The following EFHB variants were observed in gnomAD, a reference collection of about 807,000 sequenced individuals.
EFHB encodes the protein EF-hand domain-containing family member B.
EFHB carries 91 observed loss-of-function variants against 87.2 expected under a neutral mutation model. That is an observed-to-expected ratio of 1.04 (90% CI 0.88 to 1.24). EFHB has a LOEUF of 1.24. Ranked by LOEUF, EFHB falls within the 50% of genes most tolerant of loss-of-function variation. The probability of loss-of-function intolerance (pLI) is 0.00; values close to 1 mark genes in which losing one functional copy is unlikely to be tolerated. For missense variants in EFHB, 1,084 were observed against 998.8 expected (o/e 1.09, Z -1.15); for synonymous variants, 325 against 333.6 (o/e 0.97, Z 0.28).
At chr3:19,914,852 G>C (rs1212957909) in intron 5 of EFHB, among the ~76,000 whole-genome samples, 4 of 152,096 alleles carry the variant, frequency 2.6e-5, no homozygotes, top group Non-Finnish European at 4.4e-5. Context: ...CACTTTCGGA[G>C]GCCAAGGTGG....
intron 1 of EFHB, among the ~76,000 whole-genome samples, chr3:19,928,596 C>T (rs999290197): frequency 6.6e-6 from 1 of 152,150 alleles, no homozygotes; most frequent in African/African-American, 2.4e-5. Context: ...AGGTGCCTGC[C>T]ACCACACCCA....
At chr3:19,887,292 C>T (rs987787242) in intron 10 of EFHB, among the ~76,000 whole-genome samples, 4 of 148,238 alleles carry the variant, frequency 2.7e-5, no homozygotes, top group Non-Finnish European at 5.9e-5. Context: ...GGCTGAGGCA[C>T]GAGAATCACT....
chr3:19,923,104 A>G (rs771586298), intron 1 of EFHB, among the ~76,000 whole-genome samples: 11 of 151,996 alleles, frequency 7.2e-5, no homozygotes, highest in Admixed American at 2.0e-4. Flanking sequence ...CGTTGCTACA[A>G]AAAAATATAA....
intron 9 of EFHB, chr3:19,894,678 ATTGAG>A (rs1694413384): frequency 6.6e-6 from 1 of 152,166 alleles, no homozygotes; most frequent in South Asian, 2.1e-4. Flanking sequence ...CATTGTGCAT[ATTGAG>A]TTAACTATTA....
chr3:19,929,298 C>T (rs1695744208), intron 1 of EFHB, among the ~76,000 whole-genome samples: 1 of 151,586 alleles, frequency 6.6e-6, no homozygotes, highest in African/African-American at 2.4e-5. Flanking sequence ...TTCAGCCTCA[C>T]AAAATGCTGG....
intron 10 of EFHB, among the ~76,000 whole-genome samples, chr3:19,887,245 G>GATAGT (rs1694133244): frequency 6.6e-6 from 1 of 151,822 alleles, no homozygotes; most frequent in Admixed American, 6.6e-5. Flanking sequence ...AGCCAGGCAT[G>GATAGT]GTGGCACACA....
chr3:19,917,355 A>G (rs1287265819), intron 4 of EFHB, among the ~76,000 whole-genome samples: 21 of 152,114 alleles, frequency 1.4e-4, no homozygotes, highest in Non-Finnish European at 2.2e-4. Context: ...GCAATAAGGT[A>G]CAACTCCAGA....
intron 1 of EFHB, among the ~76,000 whole-genome samples, chr3:19,944,661 A>G (rs1559481940): frequency 1.3e-5 from 2 of 152,244 alleles, no homozygotes; most frequent in Non-Finnish European, 1.5e-5. Context: ...AAAAGTATTC[A>G]TGAAGGAGGT....
intron 6 of EFHB, among the ~76,000 whole-genome samples, chr3:19,903,720 G>A (rs1694747455): frequency 6.6e-6 from 1 of 152,056 alleles, no homozygotes; most frequent in Non-Finnish European, 1.5e-5. Context: ...AGAAACTCAT[G>A]TAATAAAGGA....
At chr3:19,920,120 C>G in intron 2 of EFHB, 144 bp from the exon 3 acceptor site, 1 of 834,302 alleles carries the variant, frequency 1.2e-6, no homozygotes, top group East Asian at 2.6e-5. Context: ...AATGAACATC[C>G]CCCTAAAATG....
At chr3:19,932,183 T>C (rs1269499127) in intron 1 of EFHB, among the ~76,000 whole-genome samples, 1 of 152,252 alleles carries the variant, frequency 6.6e-6, no homozygotes, top group Non-Finnish European at 1.5e-5. Flanking sequence ...CTCCTTTCTA[T>C]TCTTTCTAAC....
chr3:19,901,446 G>C (rs757674211), intron 6 of EFHB, among the ~76,000 whole-genome samples: 1 of 152,156 alleles, frequency 6.6e-6, no homozygotes, highest in Non-Finnish European at 1.5e-5. Flanking sequence ...GCTTTTCAAA[G>C]TATCTCCTGT....
At chr3:19,904,757 C>T (rs1383828436) in intron 6 of EFHB, among the ~76,000 whole-genome samples, 2 of 152,146 alleles carry the variant, frequency 1.3e-5, no homozygotes, top group African/African-American at 4.8e-5. Context: ...TTTTTCCACA[C>T]AAAGTAACAT....
intron 6 of EFHB, among the ~76,000 whole-genome samples, chr3:19,900,130 C>A (rs1345611516): frequency 1.3e-5 from 2 of 152,008 alleles, no homozygotes; most frequent in African/African-American, 4.8e-5. Flanking sequence ...AATTAAGCAT[C>A]AGGCCAGGCA....
intron 1 of EFHB, among the ~76,000 whole-genome samples, chr3:19,927,422 T>C (rs28525232): frequency 0.03 from 4,507 of 152,286 alleles, 224 homozygotes; most frequent in African/African-American, 0.1. Flanking sequence ...TGGAAACTTT[T>C]CCTTCCTGCA....
intron 11 of EFHB, among the ~76,000 whole-genome samples, chr3:19,884,154 G>A (rs1050521182): frequency 1.3e-5 from 2 of 152,152 alleles, no homozygotes; most frequent in East Asian, 3.8e-4. Context: ...AACATTCAAT[G>A]TTCTGATCTA....
At chr3:19,918,948 C>T (rs947131468) in intron 3 of EFHB, among the ~76,000 whole-genome samples, 4 of 146,462 alleles carry the variant, frequency 2.7e-5, no homozygotes, top group Non-Finnish European at 6.0e-5. Context: ...CCACTGCACT[C>T]CAGCCTGGGC....
intron 4 of EFHB, among the ~76,000 whole-genome samples, chr3:19,917,435 C>T (rs556661304): frequency 3.2e-4 from 48 of 152,056 alleles, no homozygotes; most frequent in African/African-American, 1.1e-3. Flanking sequence ...ATCTAATGAG[C>T]CTTTCGGTGA....
At chr3:19,945,015 A>T (rs1201552020) in intron 1 of EFHB, among the ~76,000 whole-genome samples, 2 of 152,252 alleles carry the variant, frequency 1.3e-5, no homozygotes, top group Non-Finnish European at 2.9e-5. Context: ...AAGGCAAAGT[A>T]TTGTGAAATT....
Sources: allele counts gnomAD v4.1 joint callset (sites outside exome capture counted in the v4.1 genomes callset), GRCh38; gene constraint gnomAD v4.1.1; transcripts MANE v1.5; gene names NCBI Gene and HGNC (gene_info 2026-07-23, HGNC 2026-07-21).